ANKS1B: variants seen among roughly 807,000 people sequenced by gnomAD.
The protein encoded by ANKS1B is ankyrin repeat and sterile alpha motif domain containing 1B.
A neutral mutation model predicts 148.3 loss-of-function variants in ANKS1B; 36 were observed. The observed-to-expected ratio is 0.24, with a 90% CI of 0.19 to 0.32. ANKS1B has a LOEUF of 0.32. Among genes scored for constraint, ANKS1B ranks in the 10% least tolerant of loss-of-function variants. The probability of loss-of-function intolerance (pLI) is 1.00; values close to 1 mark genes in which losing one functional copy is unlikely to be tolerated. For synonymous variants in ANKS1B, 542 were observed against 560.8 expected, an observed-to-expected ratio of 0.97 and a Z score of 0.47; for missense variants, 1,157 against 1,542.6, an observed-to-expected ratio of 0.75 and a Z score of 4.19.
At chr12:99,788,381 C>G (rs2065230236) in intron 4 of ANKS1B, among the ~76,000 whole-genome samples, 1 of 152,098 alleles carries the variant, frequency 6.6e-6, no homozygotes, top group Non-Finnish European at 1.5e-5. Context: ...AAAGGGAACC[C>G]ACTGCCTTGA....
intron 14 of ANKS1B, among the ~76,000 whole-genome samples, chr12:99,239,438 T>C (rs111384240): frequency 0.068 from 10,291 of 152,122 alleles, 1,074 homozygotes; most frequent in African/African-American, 0.22. Flanking sequence ...AAATATACAT[T>C]TGATTGGTGT....
chr12:98,880,828 G>C (rs1254658112), intron 17 of ANKS1B, among the ~76,000 whole-genome samples: 1 of 151,704 alleles, frequency 6.6e-6, no homozygotes, highest in African/African-American at 2.4e-5. Flanking sequence ...CAACAAGATG[G>C]GTAGGTTCCT....
chr12:99,081,921 G>T (rs1274283108), intron 16 of ANKS1B, among the ~76,000 whole-genome samples: 1 of 152,072 alleles, frequency 6.6e-6, no homozygotes, highest in Non-Finnish European at 1.5e-5. Context: ...CTATGTATTG[G>T]GTTAAGCATC....
At chr12:98,836,522 G>A (rs992900503) in intron 17 of ANKS1B, among the ~76,000 whole-genome samples, 1 of 152,136 alleles carries the variant, frequency 6.6e-6, no homozygotes, top group Non-Finnish European at 1.5e-5. Flanking sequence ...AAGAAAGATG[G>A]TCATTATGGA....
chr12:99,455,465 T>A (rs1325132425), intron 10 of ANKS1B, among the ~76,000 whole-genome samples: 2 of 152,190 alleles, frequency 1.3e-5, no homozygotes, highest in East Asian at 1.9e-4. Flanking sequence ...AGATTGCCAC[T>A]GCAGGCTCTG....
At position 99,171,898 on chromosome 12, in the gene ANKS1B, T is replaced by C. The variant is rs557498841; in HGVS notation, c.2420-17503A>G. 9.9e-5 allele frequency among the ~76,000 whole-genome samples: 15 copies of C among 152,178 alleles called. No homozygotes were observed. The East Asian group carries it at 2.9e-3, about 29-fold the overall frequency. On this transcript the variant is annotated intron_variant, in intron 14 of 26. Coordinates refer to ENST00000683438, the MANE Select transcript of ANKS1B (RefSeq NM_001352186.2). ...AGGACCAGGGAGGAAAGGGAACATG[T>C]CCCAGCCTCAAAGATTTTAGAGTTT...
intron 20 of ANKS1B, among the ~76,000 whole-genome samples, chr12:98,804,157 ATAAT>A (rs2099030445): frequency 6.6e-6 from 1 of 152,198 alleles, no homozygotes; most frequent in Non-Finnish European, 1.5e-5. Context: ...AAGGTGGGAG[ATAAT>A]TACAAGGAAA....
chr12:99,015,462 T>C (rs1270988086), intron 17 of ANKS1B, among the ~76,000 whole-genome samples: 1 of 152,160 alleles, frequency 6.6e-6, no homozygotes, highest in African/African-American at 2.4e-5. Flanking sequence ...ATAACCCCCA[T>C]GACAGAGGTT....
intron 14 of ANKS1B, among the ~76,000 whole-genome samples, chr12:99,198,117 G>A (rs1167813834): frequency 6.6e-6 from 1 of 151,940 alleles, no homozygotes; most frequent in African/African-American, 2.4e-5. Context: ...TCACTCCTAG[G>A]AATATGTGAC....
chr12:99,000,130 A>G (rs751668572), intron 17 of ANKS1B, among the ~76,000 whole-genome samples: 30 of 152,254 alleles, frequency 2.0e-4, no homozygotes, highest in Non-Finnish European at 3.7e-4. Flanking sequence ...AAAAAATAGA[A>G]AAGGCAGAAA....
chr12:99,824,732 A>T (rs1358019966), intron 2 of ANKS1B, among the ~76,000 whole-genome samples: 1 of 152,190 alleles, frequency 6.6e-6, no homozygotes, highest in Non-Finnish European at 1.5e-5. Flanking sequence ...TTACGGCTAC[A>T]CACTCTTGCA....
At chr12:99,467,163 A>C (rs1490170965) in intron 10 of ANKS1B, among the ~76,000 whole-genome samples, 1 of 152,262 alleles carries the variant, frequency 6.6e-6, no homozygotes, top group East Asian at 1.9e-4. Flanking sequence ...GTAATCCAGC[A>C]TATAAACAGA....
chr12:99,971,617 AAAAG>A (rs2095559609), intron 1 of ANKS1B, among the ~76,000 whole-genome samples: 2 of 150,932 alleles, frequency 1.3e-5, no homozygotes, highest in Admixed American at 6.6e-5. Flanking sequence ...AAAAAAAAAA[AAAAG>A]AAAGAAAAAT....
chr12:99,209,686 G>A (rs916066508), intron 14 of ANKS1B, among the ~76,000 whole-genome samples: 2 of 152,186 alleles, frequency 1.3e-5, no homozygotes, highest in Non-Finnish European at 2.9e-5. Context: ...TGTGGACAGT[G>A]ACAGAGCAGG....
intron 19 of ANKS1B, among the ~76,000 whole-genome samples, chr12:98,808,426 C>G (rs775054144): frequency 1.3e-5 from 2 of 152,168 alleles, no homozygotes; most frequent in Non-Finnish European, 2.9e-5. Flanking sequence ...CTCCAGAGTT[C>G]TTACGGGCAA....
chr12:99,200,513 C>G (rs1166080065), intron 14 of ANKS1B, among the ~76,000 whole-genome samples: 1 of 152,128 alleles, frequency 6.6e-6, no homozygotes, highest in African/African-American at 2.4e-5. Flanking sequence ...TTTTTGTCAT[C>G]ATATGACTGG....
intron 17 of ANKS1B, among the ~76,000 whole-genome samples, chr12:98,841,108 T>A (rs1002385962): frequency 1.3e-5 from 2 of 152,306 alleles, no homozygotes; most frequent in East Asian, 3.9e-4. Context: ...TATTTACTGC[T>A]AACGAGGGTA....
intron 1 of ANKS1B, among the ~76,000 whole-genome samples, chr12:99,966,070 T>G (rs184327079): frequency 2.4e-4 from 36 of 152,326 alleles, no homozygotes; most frequent in African/African-American, 7.9e-4. Flanking sequence ...GAGAAATTAT[T>G]CACACTCAAG....
chr12:99,392,426 A>G (rs1467052819), intron 12 of ANKS1B, among the ~76,000 whole-genome samples: 1 of 152,024 alleles, frequency 6.6e-6, no homozygotes, highest in East Asian at 1.9e-4. Flanking sequence ...TGTTTTTGTT[A>G]TTTCTCCCAC....
Sources: gnomAD v4.1 joint callset for allele counts (sites outside exome capture counted in the v4.1 genomes callset) on GRCh38, gnomAD v4.1.1 for gene constraint, MANE v1.5 for transcripts, NCBI Gene and HGNC (gene_info 2026-07-23, HGNC 2026-07-21) for gene names.